AP2S1: variants seen among roughly 807,000 people sequenced by gnomAD.
The protein encoded by AP2S1 is AP-2 complex subunit sigma.
A neutral mutation model predicts 21.0 loss-of-function variants in AP2S1; 6 were observed. That is an observed-to-expected ratio of 0.29 (90% CI 0.16 to 0.56). AP2S1 has a LOEUF of 0.56. Among genes scored for constraint, AP2S1 ranks in the 20% least tolerant of loss-of-function variants. The probability of loss-of-function intolerance (pLI) is 0.92; values close to 1 mark genes in which losing one functional copy is unlikely to be tolerated. For synonymous variants in AP2S1, 63 were observed against 74.6 expected, an observed-to-expected ratio of 0.84 and a Z score of 0.80; for missense variants, 60 against 186.2, an observed-to-expected ratio of 0.32 and a Z score of 3.95.
chr19:46,844,594 T>C (rs1443298637), intron 2 of AP2S1, among the ~76,000 whole-genome samples: 1 of 151,476 alleles, frequency 6.6e-6, no homozygotes, highest in Non-Finnish European at 1.5e-5. Context: ...GCTCAAGAGT[T>C]TGAGACCAGC....
intron 1 of AP2S1, 47 bp from the exon 2 acceptor site, chr19:46,846,189 G>T: frequency 6.2e-7 from 1 of 1,609,096 alleles, no homozygotes; most frequent in African/African-American, 1.3e-5. Flanking sequence ...GGCAGAGAGG[G>T]CGGGTTGGGT....
At chr19:46,842,706 C>T (rs775073907) in intron 2 of AP2S1, among the ~76,000 whole-genome samples, 2 of 152,150 alleles carry the variant, frequency 1.3e-5, no homozygotes, top group Non-Finnish European at 2.9e-5. Flanking sequence ...CCAGAACACC[C>T]GACACCCAGT....
At chr19:46,844,375 C>T (rs552573664) in intron 2 of AP2S1, among the ~76,000 whole-genome samples, 1 of 152,296 alleles carries the variant, frequency 6.6e-6, no homozygotes, top group East Asian at 1.9e-4. Flanking sequence ...GCCCCAGGGA[C>T]TTTACACTTG....
At chr19:46,850,364 C>T in intron 1 of AP2S1, 4 of 1,243,334 alleles carry the variant, frequency 3.2e-6, no homozygotes, top group Non-Finnish European at 4.0e-6. Flanking sequence ...GTCTCGCGTT[C>T]TCGTCCCAGC....
At chr19:46,842,902 G>A (rs2055550962) in intron 2 of AP2S1, among the ~76,000 whole-genome samples, 1 of 152,030 alleles carries the variant, frequency 6.6e-6, no homozygotes. Flanking sequence ...TCACTTCCCC[G>A]GTGAGCTCCT....
In AP2S1 at chr19:46,841,712, A is replaced by G. The variant is rs7247688; in HGVS notation, c.154-2134T>C. ...GGTAATGGCCCCCAAAGACATCCAC[A>G]TCCTAATCCCACACCCTGTGAATAT... On this transcript the variant is annotated intron_variant, in intron 2 of 4. Transcript: ENST00000263270. 4.8e-3 allele frequency among the ~76,000 whole-genome samples: 724 copies of G among 152,372 alleles called. 5 individuals carry two copies. Among genetic ancestry groups the G allele is most frequent in the Non-Finnish European group, 8.0e-3 (544 of 68,036 alleles).
chr19:46,839,448 T>C lies in AP2S1; in HGVS notation c.267+17A>G, dbSNP rs996402247. On this transcript the variant is annotated intron_variant, in intron 3 of 4. Coordinates refer to ENST00000263270, the MANE Select transcript of AP2S1 (RefSeq NM_004069.6). Reference sequence around the variant, plus strand: ...TGCCCACCCGCCTCCCCACCTTACATCCCTCTCCCGCCGTACCTCCACGAA... The same window carrying C: ...TGCCCACCCGCCTCCCCACCTTACACCCCTCTCCCGCCGTACCTCCACGAA... 12 of 723,118 alleles carry C rather than the reference T, an allele frequency of 1.7e-5. No individual in the cohort carries two copies. The highest frequency in any genetic ancestry group is 3.3e-5 in the East Asian group (1 of 30,272). 44.8% of individuals were successfully genotyped at this position (723,118 alleles called of 1,614,324 possible). A position where few individuals can be genotyped will look rare whatever the true frequency, so the allele number is the denominator to read the frequency against.
At chr19:46,847,437 C>T (rs757415463) in intron 1 of AP2S1, among the ~76,000 whole-genome samples, 1 of 152,040 alleles carries the variant, frequency 6.6e-6, no homozygotes, top group African/African-American at 2.4e-5. Context: ...AGGCTGGTCT[C>T]GAACTCCTGG....
chr19:46,842,686 G>A (rs1435122600), intron 2 of AP2S1, among the ~76,000 whole-genome samples: 2 of 152,022 alleles, frequency 1.3e-5, no homozygotes, highest in Non-Finnish European at 2.9e-5. Flanking sequence ...GCAGCAAGGT[G>A]CCCACACAGC....
At chr19:46,846,908 C>T (rs571464377) in intron 1 of AP2S1, among the ~76,000 whole-genome samples, 44 of 152,096 alleles carry the variant, frequency 2.9e-4, no homozygotes, top group Admixed American at 9.2e-4. Context: ...TCAGGTGATC[C>T]GCCCGCCTCT....
rs558131372 is a variant in AP2S1, at chr19:46,846,243, C to T, written c.4-101G>A. On this transcript the variant is annotated intron_variant, in intron 1 of 4. Transcript: ENST00000263270. ...CCATCCACCCAGAGGGGAGATAGGG[C>T]TCAGGGCCTCCCTGCTGCCTGACTT... 499 of 1,438,688 alleles carry T rather than the reference C, an allele frequency of 3.5e-4. 2 individuals are homozygous for T. In the African/African-American group the frequency reaches 5.4e-3, roughly 16 times the overall value. 89.1% of individuals were successfully genotyped at this position (1,438,688 alleles called of 1,614,324 possible). A position where few individuals can be genotyped will look rare whatever the true frequency, so the allele number is the denominator to read the frequency against.
chr19:46,845,832 G>T (rs1032597682), intron 2 of AP2S1, 161 bp downstream of exon 2: 1 of 860,804 alleles, frequency 1.2e-6, no homozygotes, highest in Non-Finnish European at 1.8e-6. Context: ...AAAAGTACAA[G>T]TAAAGGAAGG....
chr19:46,844,323 G>A (rs578255489), intron 2 of AP2S1, among the ~76,000 whole-genome samples: 14 of 152,124 alleles, frequency 9.2e-5, no homozygotes, highest in Non-Finnish European at 1.5e-4. Context: ...CCCCTTCCTG[G>A]CTGCATTCCT....
intron 2 of AP2S1, among the ~76,000 whole-genome samples, chr19:46,839,821 C>CTA (rs142553167): frequency 0.26 from 37,671 of 146,548 alleles, 4,896 homozygotes; most frequent in African/African-American, 0.3. Context: ...GTGCCTAACC[C>CTA]CCTCTGATCC....
intron 2 of AP2S1, among the ~76,000 whole-genome samples, chr19:46,845,387 C>T (rs553240484): frequency 4.6e-4 from 70 of 151,580 alleles, no homozygotes; most frequent in African/African-American, 1.7e-3. Flanking sequence ...GCCTGGGTGA[C>T]AGAGTAAGAC....
At chr19:46,850,178 G>C (rs2055713460) in intron 1 of AP2S1, 2 of 1,232,480 alleles carry the variant, frequency 1.6e-6, no homozygotes, top group Non-Finnish European at 2.0e-6. Context: ...AGACCCTTAA[G>C]TTTCATTCCC....
chr19:46,840,180 G>C (rs1348534829), intron 2 of AP2S1, among the ~76,000 whole-genome samples: 1 of 151,944 alleles, frequency 6.6e-6, no homozygotes, highest in Non-Finnish European at 1.5e-5. Flanking sequence ...TACACAGTTA[G>C]CAATAGTAAC....
At position 46,841,559 on chromosome 19, in the gene AP2S1, C is replaced by A. The variant is rs111661229; in HGVS notation, c.154-1981G>T. ...ACGCCACTGCCCCACCCCTGCCCTGCCCCAGCCTGACCACTGCTGGTCGCC... is the reference window on the plus strand; with the variant it reads ...ACGCCACTGCCCCACCCCTGCCCTGACCCAGCCTGACCACTGCTGGTCGCC... On this transcript the variant is annotated intron_variant, in intron 2 of 4. Transcript: ENST00000263270. Among the ~76,000 whole-genome samples the A allele has an allele frequency of 4.2e-3, 643 of 152,318 alleles. 3 individuals carry two copies. The highest frequency in any genetic ancestry group is 0.014 in the African/African-American group (600 of 41,570).
At chr19:46,847,374 G>A (rs549476371) in intron 1 of AP2S1, among the ~76,000 whole-genome samples, 16 of 151,686 alleles carry the variant, frequency 1.1e-4, no homozygotes, top group East Asian at 7.8e-4. Flanking sequence ...ACACCACCAC[G>A]CCCAGCTAAC....
Sources: allele counts gnomAD v4.1 joint callset (sites outside exome capture counted in the v4.1 genomes callset), GRCh38; gene constraint gnomAD v4.1.1; transcripts MANE v1.5; gene names NCBI Gene and HGNC (gene_info 2026-07-23, HGNC 2026-07-21).